Variants in VWF observed in about 807,000 individuals in gnomAD.
VWF encodes Factor VIII related antigen.
A neutral mutation model predicts 308.6 loss-of-function variants in VWF; 176 were observed. The observed-to-expected ratio is 0.57, with a 90% confidence interval of 0.50 to 0.65. VWF has a LOEUF of 0.65. VWF is among the 30% of genes least tolerant of loss of function. The pLI is 0.00. For synonymous variants in VWF, 1,385 were observed against 1,443.4 expected (o/e 0.96, Z 0.92); for missense variants, 3,146 against 3,648.2 (o/e 0.86, Z 3.55).
At chr12:6,121,622 G>T (rs1945432264) in intron 2 of VWF, among the ~76,000 whole-genome samples, 1 of 152,146 alleles carries the variant, frequency 6.6e-6, no homozygotes. Context: ...TAAAAATTTG[G>T]GGCATACAGA....
At chr12:6,041,893 T>C (rs1266612321) in intron 18 of VWF, among the ~76,000 whole-genome samples, 1 of 152,220 alleles carries the variant, frequency 6.6e-6, no homozygotes, top group Non-Finnish European at 1.5e-5. Context: ...TACAGGTCTC[T>C]CCTATGGACA....
intron 22 of VWF, among the ~76,000 whole-genome samples, chr12:6,028,589 AG>A (rs1040866927): frequency 1.3e-5 from 2 of 152,064 alleles, no homozygotes; most frequent in Non-Finnish European, 2.9e-5. Context: ...GCCAGAAGAG[AG>A]GGGGGGACCA....
rs1177047350 is a variant in VWF, at chr12:5,980,089, A to AG, written c.7287+1696dup. Among the ~76,000 whole-genome samples, 232 of 71,276 alleles carry AG rather than the reference A, an allele frequency of 3.3e-3. 2 individuals are homozygous for AG. The highest frequency in any genetic ancestry group is 0.011 in the Middle Eastern group (2 of 178). 46.8% of individuals were successfully genotyped at this position (71,276 alleles called of 152,430 possible). The stretch of plus-strand genomic sequence containing the variant: ...GAAAAGAAAGAAAGAAAGAAAAGAA[A>AG]GAAAGGAAGGAAGGAAGGAAGGAAG... On this transcript the variant is annotated intron_variant, in intron 42 of 51. Transcript: ENST00000261405.
intron 40 of VWF, among the ~76,000 whole-genome samples, chr12:5,984,022 A>AGATG (rs961565871): frequency 1.6e-5 from 1 of 61,170 alleles, no homozygotes; most frequent in African/African-American, 9.6e-5. Context: ...ATAGATAGAC[A>AGATG]GACAGACAGA....
chr12:5,969,006 T>A (rs187133223), intron 45 of VWF, among the ~76,000 whole-genome samples: 3 of 152,354 alleles, frequency 2.0e-5, no homozygotes, highest in Admixed American at 1.3e-4. Flanking sequence ...AATCCCAGTC[T>A]TGCCATGTAG....
chr12:5,994,385 G>A, intron 36 of VWF, 30 bp downstream of exon 36: 3 of 1,612,344 alleles, frequency 1.9e-6, no homozygotes, highest in Non-Finnish European at 2.5e-6. Context: ...TATAGCAGGG[G>A]GAGAAGAGGA....
intron 20 of VWF, 27 bp from the exon 21 acceptor site, chr12:6,031,605 G>C (rs771215638): frequency 6.2e-7 from 1 of 1,613,744 alleles, no homozygotes; most frequent in African/African-American, 1.3e-5. Flanking sequence ...GCCAGGAGAA[G>C]ACCATTATCC....
Position 5,952,372 on chromosome 12 carries a change from A to C in VWF, c.8115+19T>G. On this transcript the variant is annotated intron_variant, in intron 49 of 51. Transcript: ENST00000261405. ...TTAGAGATTGAGACAGTAAAGAGGA[A>C]AGCAGAATGAGTACTCACTCCCTCA... 1 of 1,613,686 alleles carries C rather than the reference A, an allele frequency of 6.2e-7. No individual in the cohort carries two copies. Among genetic ancestry groups the C allele is most frequent in the Non-Finnish European group, 8.5e-7 (1 of 1,179,680 alleles).
intron 18 of VWF, among the ~76,000 whole-genome samples, chr12:6,037,563 T>C (rs1316915232): frequency 1.3e-5 from 2 of 151,902 alleles, no homozygotes; most frequent in East Asian, 3.9e-4. Flanking sequence ...CCCAGAAGAG[T>C]CAGCCAAACC....
intron 13 of VWF, among the ~76,000 whole-genome samples, chr12:6,061,934 G>A (rs893603184): frequency 6.6e-6 from 1 of 152,170 alleles, no homozygotes; most frequent in Non-Finnish European, 1.5e-5. Flanking sequence ...AAAGAAATTT[G>A]CAGAAATGTG....
At chr12:6,000,026 GAC>G (rs1943853113) in intron 34 of VWF, among the ~76,000 whole-genome samples, 1 of 151,814 alleles carries the variant, frequency 6.6e-6, no homozygotes, top group Admixed American at 6.6e-5. Context: ...AGGTCAAAGA[GAC>G]AGTAATGAAA....
chr12:6,103,727 T>A (rs1213815343), intron 5 of VWF, among the ~76,000 whole-genome samples: 1 of 151,866 alleles, frequency 6.6e-6, no homozygotes, highest in Non-Finnish European at 1.5e-5. Context: ...AGAATGAAAC[T>A]GGACCCCTAT....
chr12:6,079,564 C>G (rs752432365), intron 6 of VWF, among the ~76,000 whole-genome samples: 1 of 151,136 alleles, frequency 6.6e-6, no homozygotes, highest in African/African-American at 2.4e-5. Context: ...GAGCTGAGAT[C>G]GCACCACTGC....
At chr12:6,073,835 T>G (rs1944809408) in intron 7 of VWF, 94 bp from the exon 8 acceptor site, 4 of 1,573,156 alleles carry the variant, frequency 2.5e-6, no homozygotes, top group Non-Finnish European at 2.6e-6. Context: ...TCGTGCCCAC[T>G]CTGACTGCTC....
chr12:5,987,074 T>G (rs866663252), intron 38 of VWF, among the ~76,000 whole-genome samples: 1 of 152,170 alleles, frequency 6.6e-6, no homozygotes, highest in Non-Finnish European at 1.5e-5. Flanking sequence ...ACTATAGGCA[T>G]GTGCCACCAT....
chr12:6,010,506 A>G (rs1284357303), intron 34 of VWF, among the ~76,000 whole-genome samples: 1 of 152,240 alleles, frequency 6.6e-6, no homozygotes, highest in African/African-American at 2.4e-5. Flanking sequence ...TCTCACTTCT[A>G]GGAATCTACC....
chr12:6,069,007 C>T (rs1394617748), intron 10 of VWF, among the ~76,000 whole-genome samples: 3 of 151,880 alleles, frequency 2.0e-5, no homozygotes, highest in Admixed American at 2.0e-4. Context: ...CAGGCACACA[C>T]CACTATGCCT....
At chr12:6,008,327 G>A (rs569316881) in intron 34 of VWF, among the ~76,000 whole-genome samples, 5 of 152,192 alleles carry the variant, frequency 3.3e-5, no homozygotes, top group South Asian at 2.1e-4. Flanking sequence ...ACACTCTGAC[G>A]GAGTGGGATT....
rs751282313 is a variant in VWF at position 5,996,069 on chromosome 12, T to C, written c.5996A>G (p.Gln1999Arg). The C allele has an allele frequency of 6.2e-7, 1 of 1,613,918 alleles. No homozygotes were observed. Among genetic ancestry groups the C allele is most frequent in the Non-Finnish European group, 8.5e-7 (1 of 1,180,038 alleles). Residue 1999 changes from glutamine to arginine, a missense_variant, in exon 35 of 52, where the codon CAG (glutamine) becomes CGG (arginine). This residue lies in a region of VWF where 989 missense variants were observed against 1,117.4 expected (regional missense o/e 0.89). Transcript: ENST00000261405. Reference protein sequence around the residue: ...HNGACSPGARQGCMKSIEVKH... With the variant: ...HNGACSPGARRGCMKSIEVKH... ...CACCTCGATGGATTTCATGCAGCCC[T>C]GCCTTGCTCCAGGGCTGCAGGCACC...
Sources: allele counts gnomAD v4.1 joint callset (sites outside exome capture counted in the v4.1 genomes callset), GRCh38; gene constraint gnomAD v4.1.1; regional missense constraint gnomAD v4.1.1; transcripts MANE v1.5; gene names NCBI Gene and HGNC (gene_info 2026-07-23, HGNC 2026-07-21).